The following AMN1 variants were observed in gnomAD, a reference collection of about 807,000 sequenced individuals.
The protein encoded by AMN1 is antagonist of mitotic exit network 1 homolog, also known as protein AMN1 homolog.
Under a neutral mutation model 33.0 loss-of-function variants are expected in AMN1, and 20 were observed. The ratio of observed to expected loss-of-function variants is 0.61; its 90% CI spans 0.43 to 0.88. The LOEUF (loss-of-function observed/expected upper bound fraction) is 0.88, where lower values mean the gene tolerates loss of function less well. Ranked by LOEUF, AMN1 falls within the 40% of genes least tolerant of loss-of-function variation. The pLI, the probability that AMN1 is intolerant of heterozygous loss-of-function variation, is 0.00. For missense variants in AMN1, 246 were observed against 307.4 expected, an observed-to-expected ratio of 0.80 and a Z score of 1.49; for synonymous variants, 114 against 111.9, an observed-to-expected ratio of 1.02 and a Z score of -0.12.
intron 1 of AMN1, 61 bp downstream of exon 1, chr12:31,728,910 C>T: frequency 1.3e-6 from 2 of 1,519,246 alleles, no homozygotes; most frequent in African/African-American, 1.4e-5. Flanking sequence ...CAGCGCAGGG[C>T]CTGGCCGTTT....
At chr12:31,699,744 C>A (rs1265699350) in intron 3 of AMN1, among the ~76,000 whole-genome samples, 1 of 152,132 alleles carries the variant, frequency 6.6e-6, no homozygotes, top group African/African-American at 2.4e-5. Flanking sequence ...GTTGGTCAGT[C>A]ATATGTACCA....
At chr12:31,688,864 C>A in intron 6 of AMN1, 143 bp downstream of exon 6, 1 of 431,370 alleles carries the variant, frequency 2.3e-6, no homozygotes, top group Non-Finnish European at 4.1e-6. Flanking sequence ...ATAATCATGA[C>A]TAAGTCTATG....
chr12:31,697,249 G>A, intron 5 of AMN1, 112 bp downstream of exon 5: 4 of 807,502 alleles, frequency 5.0e-6, no homozygotes, highest in Non-Finnish European at 7.6e-6. Flanking sequence ...CACCAACAAA[G>A]TCCCTAAAAT....
chr12:31,714,251 C>G (rs1363384298), intron 1 of AMN1, among the ~76,000 whole-genome samples: 3 of 152,170 alleles, frequency 2.0e-5, no homozygotes, highest in Non-Finnish European at 4.4e-5. Context: ...CACCAGATAT[C>G]TCCAACTAGG....
At chr12:31,729,144 T>C, upstream of AMN1, 1 of 1,003,582 alleles carries the variant, frequency 1.0e-6, no homozygotes, top group Non-Finnish European at 1.4e-6. Flanking sequence ...GACCGGGGCG[T>C]GGCCACGCTT....
At chr12:31,695,428 T>C (rs1469321608) in intron 5 of AMN1, among the ~76,000 whole-genome samples, 1 of 152,008 alleles carries the variant, frequency 6.6e-6, no homozygotes, top group Admixed American at 6.6e-5. Flanking sequence ...GCATTTAGGA[T>C]GCAATTTGGA....
In AMN1 at chr12:31,717,080, T is replaced by C. The variant is rs550842875; in HGVS notation, c.39-7655A>G. Among the ~76,000 whole-genome samples, 65 of 152,256 alleles carry C rather than the reference T, an allele frequency of 4.3e-4. 1 individual carries two copies. Among genetic ancestry groups the C allele is most frequent in the African/African-American group, 1.4e-3 (58 of 41,564 alleles). On this transcript the variant is annotated intron_variant, in intron 1 of 6. Coordinates refer to ENST00000281471, the MANE Select transcript of AMN1 (RefSeq NM_001113402.2). ...GGTATTAAGCCCCACATGCATTGTC[T>C]ATTTGTCCTGATGCTATCCTTTCCC...
At chr12:31,718,984 G>C (rs1939783039) in intron 1 of AMN1, among the ~76,000 whole-genome samples, 2 of 152,250 alleles carry the variant, frequency 1.3e-5, no homozygotes, top group Non-Finnish European at 2.9e-5. Context: ...CGTGGGTATG[G>C]GACCTGCCAA....
chr12:31,672,289 A>G lies in AMN1; in HGVS notation c.*15T>C, dbSNP rs764751731. 6.4e-6 allele frequency: 10 copies of G among 1,555,178 alleles called. No individual in the cohort carries two copies. Among genetic ancestry groups the G allele is most frequent in the South Asian group, 3.5e-5 (3 of 84,738 alleles). ...TTGATAAGCTTTCCTAGCATTGATC[A>G]TCTTCAAAAAAGCATCAATAAACAG... On this transcript the variant is annotated 3_prime_UTR_variant, in exon 7 of 7. Coordinates refer to ENST00000281471, the MANE Select transcript of AMN1 (RefSeq NM_001113402.2).
rs114432987 is a variant in AMN1, at chr12:31,713,905, G to A, written c.39-4480C>T. On this transcript the variant is annotated intron_variant, in intron 1 of 6. Transcript: ENST00000281471. ...TAAAGCCACTTTTATATACTCGACT[G>A]GTTTACTCTATGTATCTCTGTTTGT... 3.3e-3 allele frequency among the ~76,000 whole-genome samples: 506 copies of A among 151,990 alleles called. 2 individuals carry two copies. The highest frequency in any genetic ancestry group is 0.012 in the African/African-American group (482 of 41,442).
At chr12:31,675,115 G>A (rs964101979) in intron 6 of AMN1, among the ~76,000 whole-genome samples, 3 of 149,056 alleles carry the variant, frequency 2.0e-5, no homozygotes, top group South Asian at 2.1e-4. Context: ...GATAAAGGGC[G>A]TCTATGAAAA....
chr12:31,715,184 G>A (rs1939622903), intron 1 of AMN1, among the ~76,000 whole-genome samples: 1 of 152,150 alleles, frequency 6.6e-6, no homozygotes, highest in South Asian at 2.1e-4. Flanking sequence ...CTTCCCTTTA[G>A]CTCCTAAAAC....
At chr12:31,727,727 T>C (rs1940134341) in intron 1 of AMN1, among the ~76,000 whole-genome samples, 1 of 152,184 alleles carries the variant, frequency 6.6e-6, no homozygotes, top group African/African-American at 2.4e-5. Context: ...ACATATATTA[T>C]AGTTATTTAT....
At chr12:31,691,012 C>T (rs1360008494) in intron 5 of AMN1, among the ~76,000 whole-genome samples, 1 of 151,870 alleles carries the variant, frequency 6.6e-6, no homozygotes, top group Non-Finnish European at 1.5e-5. Flanking sequence ...GTGGAACATG[C>T]CTGTAGTCCC....
chr12:31,723,937 A>G (rs1939968678), intron 1 of AMN1, among the ~76,000 whole-genome samples: 1 of 152,230 alleles, frequency 6.6e-6, no homozygotes, highest in Non-Finnish European at 1.5e-5. Context: ...TGTAAACTTT[A>G]TAAAAATGCT....
At chr12:31,681,072 G>A (rs1937988455) in intron 6 of AMN1, among the ~76,000 whole-genome samples, 2 of 152,080 alleles carry the variant, frequency 1.3e-5, no homozygotes, top group African/African-American at 4.8e-5. Flanking sequence ...TGGTTAAGTG[G>A]GAAGAGTAGA....
intron 5 of AMN1, among the ~76,000 whole-genome samples, chr12:31,694,937 TACAAAACAAA>T (rs200140563): frequency 6.6e-6 from 1 of 152,064 alleles, no homozygotes; most frequent in East Asian, 1.9e-4. Context: ...ACCCTGTCTC[TACAAAACAAA>T]ACAAAACAAA....
intron 1 of AMN1, 78 bp downstream of exon 1, chr12:31,728,893 G>A (rs1592183618): frequency 1.4e-6 from 2 of 1,467,306 alleles, no homozygotes; most frequent in African/African-American, 2.8e-5. Flanking sequence ...GGGGCGGGGA[G>A]GAAGAGCAGC....
At chr12:31,695,421 T>C (rs1440941281) in intron 5 of AMN1, among the ~76,000 whole-genome samples, 1 of 152,016 alleles carries the variant, frequency 6.6e-6, no homozygotes, top group African/African-American at 2.4e-5. Flanking sequence ...TGTTCCTGCA[T>C]TTAGGATGCA....
Sources: gnomAD v4.1 joint callset for allele counts (sites outside exome capture counted in the v4.1 genomes callset) on GRCh38, gnomAD v4.1.1 for gene constraint, MANE v1.5 for transcripts, NCBI Gene and HGNC (gene_info 2026-07-23, HGNC 2026-07-21) for gene names.